PLA2G7: variants seen among roughly 807,000 people sequenced by gnomAD.
PLA2G7 encodes platelet-activating factor acetylhydrolase.
A neutral mutation model predicts 49.6 loss-of-function variants in PLA2G7; 63 were observed. The observed-to-expected ratio is 1.27, with a 90% CI of 1.04 to 1.57. PLA2G7 has a LOEUF of 1.57. Ranked by LOEUF, PLA2G7 falls within the 40% of genes most tolerant of loss-of-function variation. PLA2G7 has a pLI of 0.00. For missense variants in PLA2G7, 596 were observed against 521.2 expected (o/e 1.14, Z -1.40); for synonymous variants, 193 against 169.9 (o/e 1.14, Z -1.06).
At chr6:46,710,722 T>C in intron 7 of PLA2G7, 64 bp from the exon 8 acceptor site, 1 of 1,280,092 alleles carries the variant, frequency 7.8e-7, no homozygotes, top group South Asian at 1.2e-5. Flanking sequence ...TTTTAAAGTT[T>C]AGGTAGAAGC....
In PLA2G7 at chr6:46,716,523, G is replaced by A; in HGVS notation, c.237C>T (p.Thr79=). 1 of 1,613,568 alleles carries A rather than the reference G, an allele frequency of 6.2e-7. No homozygotes were observed. The highest frequency in any genetic ancestry group is 8.5e-7 in the Non-Finnish European group (1 of 1,179,614). The change falls in exon 4 of 12, where the codon ACC becomes ACT. Residue 79 remains threonine, a synonymous_variant. Transcript: ENST00000274793. ...GGGATGGATAATATAAACGCAAGAA[G>A]GTGCCCTGTTAAGAAAGAAATTAAT... The part of the protein sequence containing the change: ...DLMFDHTNKG[T]FLRLYYPSQD...
chr6:46,715,713 A>T (rs1765178197), intron 4 of PLA2G7, among the ~76,000 whole-genome samples: 1 of 152,234 alleles, frequency 6.6e-6, no homozygotes, highest in Admixed American at 6.5e-5. Flanking sequence ...TGTCTGTTAT[A>T]AGTGGTTTTT....
At chr6:46,719,441 A>G (rs954539963) in intron 2 of PLA2G7, among the ~76,000 whole-genome samples, 4 of 152,256 alleles carry the variant, frequency 2.6e-5, no homozygotes, top group South Asian at 4.2e-4. Flanking sequence ...ATTCCACTCA[A>G]TCAGAAAAGG....
At chr6:46,720,576 G>A (rs1765363568) in intron 2 of PLA2G7, among the ~76,000 whole-genome samples, 1 of 152,144 alleles carries the variant, frequency 6.6e-6, no homozygotes, top group Admixed American at 6.5e-5. Context: ...ACCCGGTTAT[G>A]GGCCTGGATT....
intron 10 of PLA2G7, among the ~76,000 whole-genome samples, chr6:46,706,338 A>G (rs1335456153): frequency 6.6e-6 from 1 of 152,232 alleles, no homozygotes; most frequent in Non-Finnish European, 1.5e-5. Flanking sequence ...CTTGAATGTC[A>G]GAAACATAAA....
intron 2 of PLA2G7, among the ~76,000 whole-genome samples, chr6:46,721,814 T>C (rs1765411686): frequency 2.0e-5 from 3 of 151,980 alleles, no homozygotes; most frequent in African/African-American, 4.8e-5. Context: ...CCTGCTTATG[T>C]AGTAGGGCAA....
chr6:46,727,433 G>T (rs1404188092), intron 1 of PLA2G7, among the ~76,000 whole-genome samples: 1 of 152,146 alleles, frequency 6.6e-6, no homozygotes, highest in African/African-American at 2.4e-5. Context: ...TAAAGAGTCA[G>T]AAAAGAAAAT....
intron 8 of PLA2G7, among the ~76,000 whole-genome samples, chr6:46,710,233 C>T (rs1426495201): frequency 1.3e-5 from 2 of 152,130 alleles, no homozygotes; most frequent in Non-Finnish European, 2.9e-5. Flanking sequence ...CAAGATCAAG[C>T]TTAAAAACAT....
chr6:46,708,017 A>G lies in PLA2G7; in HGVS notation c.1014T>C (p.Asp338=), dbSNP rs201506046. The G allele has an allele frequency of 6.3e-7, 1 of 1,580,936 alleles. No homozygotes were observed. Residue 338 remains aspartate (D), a synonymous_variant, in exon 10 of 12, where the codon GAT becomes GAC. Coordinates refer to ENST00000274793, the MANE Select transcript of PLA2G7 (RefSeq NM_005084.4). ...TGATTGTAATCATCTTTCTTTCTTT[A>G]TCAGGTGAGTAGCATTTTTTCATTT... ...IIKMKKCYSP[D]KERKMITIRG... is the part of the protein sequence containing the mutation.
intron 5 of PLA2G7, among the ~76,000 whole-genome samples, chr6:46,713,808 C>T (rs903284325): frequency 3.3e-5 from 5 of 152,160 alleles, no homozygotes; most frequent in Admixed American, 6.5e-5. Flanking sequence ...CCTCTGTATC[C>T]ATCACCATGG....
At chr6:46,717,208 C>T in intron 2 of PLA2G7, 112 bp from the exon 3 acceptor site, 1 of 934,924 alleles carries the variant, frequency 1.1e-6, no homozygotes, top group Non-Finnish European at 1.7e-6. Context: ...GGCCTTCTTT[C>T]TTTCTCAACC....
intron 8 of PLA2G7, among the ~76,000 whole-genome samples, chr6:46,710,140 C>T (rs1388554984): frequency 1.3e-5 from 2 of 152,106 alleles, no homozygotes; most frequent in Admixed American, 1.3e-4. Flanking sequence ...ACTTCACATG[C>T]CACACACACT....
intron 1 of PLA2G7, among the ~76,000 whole-genome samples, chr6:46,726,020 G>A (rs1175198040): frequency 1.3e-5 from 2 of 152,198 alleles, no homozygotes; most frequent in Admixed American, 6.5e-5. Context: ...AATATGACTG[G>A]ACAGTAAGGG....
At chr6:46,731,440 T>C (rs1215388862) in intron 1 of PLA2G7, among the ~76,000 whole-genome samples, 4 of 152,100 alleles carry the variant, frequency 2.6e-5, no homozygotes, top group Admixed American at 6.5e-5. Flanking sequence ...GTCCAAAATA[T>C]TTTTTTCCCA....
intron 2 of PLA2G7, among the ~76,000 whole-genome samples, chr6:46,719,154 A>C (rs908150847): frequency 1.3e-5 from 2 of 152,074 alleles, no homozygotes; most frequent in Non-Finnish European, 2.9e-5. Flanking sequence ...CATTCCTTCC[A>C]TTGGATGGTG....
At chr6:46,705,007 C>G in intron 11 of PLA2G7, 146 bp downstream of exon 11, 1 of 682,256 alleles carries the variant, frequency 1.5e-6, no homozygotes, top group Non-Finnish European at 2.5e-6. Flanking sequence ...TTGACTTTCT[C>G]AAATTTCTGT....
At chr6:46,713,949 C>G (rs1285325612) in intron 5 of PLA2G7, among the ~76,000 whole-genome samples, 1 of 152,166 alleles carries the variant, frequency 6.6e-6, no homozygotes, top group Non-Finnish European at 1.5e-5. Context: ...CTTCCATTGG[C>G]CTGGCTCAAT....
At chr6:46,709,854 A>G (rs1404198973) in intron 8 of PLA2G7, among the ~76,000 whole-genome samples, 3 of 152,186 alleles carry the variant, frequency 2.0e-5, no homozygotes, top group South Asian at 2.1e-4. Context: ...GATGCAATAC[A>G]GTACAGTGGT....
chr6:46,730,649 G>C (rs902023996), intron 1 of PLA2G7, among the ~76,000 whole-genome samples: 1 of 152,118 alleles, frequency 6.6e-6, no homozygotes. Flanking sequence ...TGTAGGAATG[G>C]CAGCTCCATG....
Sources: gnomAD v4.1 joint callset for allele counts (sites outside exome capture counted in the v4.1 genomes callset) on GRCh38, gnomAD v4.1.1 for gene constraint, MANE v1.5 for transcripts, NCBI Gene and HGNC (gene_info 2026-07-23, HGNC 2026-07-21) for gene names.